PLXND1: variants seen among roughly 807,000 people sequenced by gnomAD.
PLXND1 encodes plexin D1.
In PLXND1, 54 loss-of-function variants were observed where a neutral mutation model predicts 197.7. The ratio of observed to expected loss-of-function variants is 0.27; its 90% CI spans 0.22 to 0.34. The LOEUF (loss-of-function observed/expected upper bound fraction) is 0.34. Among genes scored for constraint, PLXND1 ranks in the 10% least tolerant of loss-of-function variants. The probability of loss-of-function intolerance (pLI) is 1.00; values close to 1 mark genes in which losing one functional copy is unlikely to be tolerated. For missense variants in PLXND1, 2,127 were observed against 2,699.2 expected, an observed-to-expected ratio of 0.79 and a Z score of 4.70; for synonymous variants, 1,180 against 1,161.2, an observed-to-expected ratio of 1.02 and a Z score of -0.33.
chr3:129,575,879 G>A (rs765254199), intron 9 of PLXND1, 24 bp from the exon 10 acceptor site: 1 of 1,487,196 alleles, frequency 6.7e-7, no homozygotes. Flanking sequence ...GGAGTGGGAG[G>A]CGGGTTTGAG....
In PLXND1 at chr3:129,563,623, G is replaced by A. The variant is rs376767948; in HGVS notation, c.4522-383C>T. The stretch of plus-strand genomic sequence containing the variant: ...AAGCCTGTGACTTTCTACTAAGTGG[G>A]GGGCCCCCAAGTGTGAGTTTAGGTG... On this transcript the variant is annotated intron_variant, in intron 25 of 35. Coordinates refer to ENST00000324093, the MANE Select transcript of PLXND1 (RefSeq NM_015103.3). Among the ~76,000 whole-genome samples, 8 of 152,210 alleles carry A rather than the reference G, an allele frequency of 5.3e-5. 1 individual carries two copies. In the South Asian group the frequency reaches 1.2e-3, roughly 24 times the overall value.
chr3:129,603,393 C>T (rs1214729536), intron 1 of PLXND1, among the ~76,000 whole-genome samples: 1 of 152,146 alleles, frequency 6.6e-6, no homozygotes, highest in African/African-American at 2.4e-5. Context: ...CCTGGGCTGG[C>T]CTAAGGAATC....
rs1160490612 is a variant in PLXND1, at chr3:129,557,226, G to A, written c.5446-3C>T. The A allele has an allele frequency of 6.2e-7, 1 of 1,613,908 alleles. No individual in the cohort carries two copies. Among genetic ancestry groups the A allele is most frequent in the Non-Finnish European group, 8.5e-7 (1 of 1,179,988 alleles). On this transcript the variant is annotated splice_region_variant and splice_polypyrimidine_tract_variant and intron_variant, in intron 33 of 35. Coordinates refer to ENST00000324093, the MANE Select transcript of PLXND1 (RefSeq NM_015103.3). This position sits in a 1 kb window ranked among gnomAD's most constrained non-coding sequence, Gnocchi z 4.8. ...AGGAGCTTGTTGGTTGGCGAATCCTGGGCAGAGAAGAGCGAGGGTGTTAGA... is the reference window on the plus strand; with the variant it reads ...AGGAGCTTGTTGGTTGGCGAATCCTAGGCAGAGAAGAGCGAGGGTGTTAGA...
At chr3:129,578,237 G>C (rs551436697) in intron 9 of PLXND1, 92 bp downstream of exon 9, 1 of 786,580 alleles carries the variant, frequency 1.3e-6, no homozygotes, top group Admixed American at 2.0e-5. Flanking sequence ...GCCCAGAGCA[G>C]GGGTCACACC....
chr3:129,589,308 C>CGGGGCCG, intron 2 of PLXND1, 43 bp downstream of exon 2: 1 of 628,606 alleles, frequency 1.6e-6, no homozygotes. Flanking sequence ...CCCAGGGGAG[C>CGGGGCCG]CTCCCACCCC....
At chr3:129,563,561 G>A (rs1444161727) in intron 25 of PLXND1, among the ~76,000 whole-genome samples, 3 of 152,258 alleles carry the variant, frequency 2.0e-5, no homozygotes, top group Admixed American at 6.5e-5. Flanking sequence ...GCTGGGAAGC[G>A]GCAGGGCAGG....
At chr3:129,592,960 T>C (rs2085568353) in intron 1 of PLXND1, among the ~76,000 whole-genome samples, 1 of 151,954 alleles carries the variant, frequency 6.6e-6, no homozygotes, top group Non-Finnish European at 1.5e-5. Context: ...CTGAACTTGG[T>C]CTCCAGGGAC....
At chr3:129,598,107 A>G (rs2085654776) in intron 1 of PLXND1, among the ~76,000 whole-genome samples, 1 of 152,108 alleles carries the variant, frequency 6.6e-6, no homozygotes, top group Non-Finnish European at 1.5e-5. Context: ...GACAGCATCC[A>G]AGTCTTTAGC....
At chr3:129,574,971 G>C (rs1174985556) in intron 11 of PLXND1, among the ~76,000 whole-genome samples, 1 of 152,174 alleles carries the variant, frequency 6.6e-6, no homozygotes, top group African/African-American at 2.4e-5. Context: ...GGAGGGCAGG[G>C]AGGGTTCTCC....
At chr3:129,599,072 GGAGGC>G (rs2108804145) in intron 1 of PLXND1, among the ~76,000 whole-genome samples, 1 of 152,260 alleles carries the variant, frequency 6.6e-6, no homozygotes, top group African/African-American at 2.4e-5. Context: ...GTCGGAGAAC[GGAGGC>G]CCAGGTAGGG....
chr3:129,555,376 G>A lies in PLXND1; in HGVS notation c.*936C>T, dbSNP rs1177704822. 6 of 618,116 alleles carry A rather than the reference G, an allele frequency of 9.7e-6. No homozygotes were observed. The highest frequency in any genetic ancestry group is 3.9e-5 in the African/African-American group (2 of 51,848). The allele number at this position is 618,116 out of a possible 1,614,324, so 38.3% of individuals were successfully genotyped here. A position where few individuals can be genotyped will look rare whatever the true frequency, so the allele number is the denominator to read the frequency against. ...GAGGGTCGTTTCTGGCAGGAACGGA[G>A]TGGGTGGTAGTCTCAGGCGCCAGGG... On this transcript the variant is annotated 3_prime_UTR_variant, in exon 36 of 36. Transcript: ENST00000324093.
chr3:129,589,310 T>TCGC, intron 2 of PLXND1, 41 bp downstream of exon 2: 1 of 501,294 alleles, frequency 2.0e-6, no homozygotes, highest in Non-Finnish European at 3.8e-6. Context: ...CAGGGGAGCC[T>TCGC]CCCACCCCCA....
At position 129,606,229 on chromosome 3, in the gene PLXND1, T is replaced by C. The variant is rs748754335; in HGVS notation, c.411A>G (p.Val137=). The change falls in exon 1 of 36, where the codon GTA becomes GTG. Residue 137 remains valine (V), a synonymous_variant. Coordinates refer to ENST00000324093, the MANE Select transcript of PLXND1 (RefSeq NM_015103.3). The part of the protein sequence containing the change: ...ILQLDPGQGL[V]VVCGSIYQGF... ...CCTGGTAGATGGACCCGCACACGAC[T>C]ACCAGGCCCTGGCCGGGGTCCAGCT... 9 of 1,577,736 alleles carry C rather than the reference T, an allele frequency of 5.7e-6. No individual in the cohort carries two copies. In the East Asian group the frequency reaches 7.2e-5, roughly 13 times the overall value.
At chr3:129,574,715 A>G (rs2085287452) in intron 11 of PLXND1, among the ~76,000 whole-genome samples, 1 of 151,936 alleles carries the variant, frequency 6.6e-6, no homozygotes. Flanking sequence ...TGCTTCATTG[A>G]TTTCCTTCCC....
intron 19 of PLXND1, 81 bp from the exon 20 acceptor site, chr3:129,570,038 G>C: frequency 1.2e-6 from 1 of 807,570 alleles, no homozygotes; most frequent in South Asian, 1.4e-5. Flanking sequence ...GTGTGGCCCT[G>C]GGTAAATTAC....
chr3:129,605,278 CCCGCCCCCGCCG>C (rs2085767887), intron 1 of PLXND1, 39 bp downstream of exon 1: 4 of 736,876 alleles, frequency 5.4e-6, no homozygotes, highest in Non-Finnish European at 7.4e-6. Context: ...CGCCCCCGCC[CCCGCCCCCGCCG>C]CCGCCGCCGC....
chr3:129,571,926 G>A, intron 15 of PLXND1, 82 bp from the exon 16 acceptor site: 1 of 1,368,474 alleles, frequency 7.3e-7, no homozygotes, highest in Non-Finnish European at 1.0e-6. Context: ...TGGGGCACAA[G>A]TCCACGCACT....
Position 129,589,453 on chromosome 3 carries a change from G to A in PLXND1, c.1386C>T (p.Ala462=), listed in dbSNP as rs773137617. ...GGCCCGGGGCGCGGAACACGGGCGTGGCCTTCAGGGGCTGCAGGATGGACA... is the reference window on the plus strand; with the variant it reads ...GGCCCGGGGCGCGGAACACGGGCGTAGCCTTCAGGGGCTGCAGGATGGACA... ...HPLSILQPLK[A]TPVFRAPGLT... is the part of the protein sequence containing the mutation. Residue 462 remains alanine (A), a synonymous_variant, in exon 2 of 36, where the codon GCC becomes GCT. Transcript: ENST00000324093. The A allele has an allele frequency of 1.9e-6, 3 of 1,611,044 alleles. No homozygotes were observed. Among genetic ancestry groups the A allele is most frequent in the African/African-American group, 2.7e-5 (2 of 74,830 alleles).
intron 2 of PLXND1, among the ~76,000 whole-genome samples, 162 bp from the exon 3 acceptor site, chr3:129,586,881 G>A (rs2085469717): frequency 6.6e-6 from 1 of 152,198 alleles, no homozygotes; most frequent in African/African-American, 2.4e-5. Flanking sequence ...GCACAGGGCC[G>A]GGCCTTGATG....
Sources: allele counts gnomAD v4.1 joint callset (sites outside exome capture counted in the v4.1 genomes callset), GRCh38; gene constraint gnomAD v4.1.1; non-coding constraint Gnocchi (gnomAD v3.1); transcripts MANE v1.5; gene names NCBI Gene and HGNC (gene_info 2026-07-23, HGNC 2026-07-21).